The following LMOD1 variants were observed in gnomAD, a reference collection of about 807,000 sequenced individuals.
LMOD1 encodes leiomodin 1, also known as leiomodin-1.
In LMOD1, 8 loss-of-function variants were observed where a neutral mutation model predicts 36.5. That is an observed-to-expected ratio of 0.22 (90% CI 0.13 to 0.40). The LOEUF (loss-of-function observed/expected upper bound fraction) is 0.40, where lower values mean the gene tolerates loss of function less well. LMOD1 is among the 10% of genes least tolerant of loss of function. The pLI, the probability that LMOD1 is intolerant of heterozygous loss-of-function variation, is 1.00. For synonymous variants in LMOD1, 284 were observed against 288.7 expected (o/e 0.98, Z 0.17); for missense variants, 630 against 751.1 (o/e 0.84, Z 1.88).
chr1:201,906,489 G>T (rs1681414810), intron 1 of LMOD1, among the ~76,000 whole-genome samples: 1 of 152,162 alleles, frequency 6.6e-6, no homozygotes, highest in Admixed American at 6.5e-5. Context: ...GCAGCTGCCA[G>T]TCTCATCTAT....
At position 201,899,534 on chromosome 1, in the gene LMOD1, C is replaced by T; in HGVS notation, c.1479G>A (p.Lys493=). 6.2e-7 allele frequency: 1 copy of T among 1,612,956 alleles called. No homozygotes were observed. The highest frequency in any genetic ancestry group is 8.5e-7 in the Non-Finnish European group (1 of 1,179,288). Residue 493 remains lysine, a synonymous_variant, in exon 2 of 3, where the codon AAG becomes AAA. Coordinates refer to ENST00000367288, the MANE Select transcript of LMOD1 (RefSeq NM_012134.3). This position sits in a 1 kb window ranked among gnomAD's most constrained non-coding sequence, Gnocchi z 6.3. Reference sequence around the variant, plus strand: ...CGGCCTTGGGTACCTCCAGCAGATCCTTCTTCTCTCCCTTGGCTTCCTGTG... The same window carrying T: ...CGGCCTTGGGTACCTCCAGCAGATCTTTCTTCTCTCCCTTGGCTTCCTGTG... ...RQAQEAKGEK[K]DLLEVPKAGA...
intron 1 of LMOD1, among the ~76,000 whole-genome samples, chr1:201,927,592 A>C (rs902250063): frequency 2.6e-5 from 4 of 151,972 alleles, no homozygotes; most frequent in African/African-American, 9.7e-5. Flanking sequence ...AAAAAACAAA[A>C]AAAAAAAAAG....
intron 1 of LMOD1, among the ~76,000 whole-genome samples, chr1:201,908,982 G>A (rs1465601982): frequency 6.6e-6 from 1 of 152,202 alleles, no homozygotes; most frequent in Non-Finnish European, 1.5e-5. Context: ...CTCTCATTCC[G>A]CAGAAGAATG....
chr1:201,942,199 A>G (rs770415516), intron 1 of LMOD1, among the ~76,000 whole-genome samples: 5 of 152,196 alleles, frequency 3.3e-5, no homozygotes, highest in Admixed American at 6.5e-5. Context: ...CTCAACAAAC[A>G]GAGGCTGAAG....
At position 201,946,472 on chromosome 1, in the gene LMOD1, C is replaced by T; in HGVS notation, c.-132G>A. The T allele has an allele frequency of 3.3e-6, 3 of 907,786 alleles. No individual in the cohort carries two copies. In the South Asian group the frequency reaches 5.0e-5, roughly 15 times the overall value. The allele number at this position is 907,786 out of a possible 1,614,324, so 56.2% of individuals were successfully genotyped here. A position where few individuals can be genotyped will look rare whatever the true frequency, so the allele number is the denominator to read the frequency against. On this transcript the variant is annotated 5_prime_UTR_variant, in exon 1 of 3. Transcript: ENST00000367288. ...CTCCTGCTGGTCGAGGACTGCAGCT[C>T]CTTGGCCCTTCTGTGCTACAGGTGC... is the stretch of plus-strand genomic sequence containing the variant.
chr1:201,901,449 C>T (rs1321682899), intron 1 of LMOD1, among the ~76,000 whole-genome samples: 2 of 144,988 alleles, frequency 1.4e-5, no homozygotes, highest in Non-Finnish European at 3.0e-5. Context: ...TTGTGGTGAG[C>T]CAAGACTGCA....
At chr1:201,933,908 C>T (rs555966269) in intron 1 of LMOD1, among the ~76,000 whole-genome samples, 1 of 151,994 alleles carries the variant, frequency 6.6e-6, no homozygotes, top group South Asian at 2.1e-4. Context: ...TGTCTGAGAC[C>T]ACCCAGCTGA....
chr1:201,911,068 C>T (rs1031868876), intron 1 of LMOD1, among the ~76,000 whole-genome samples: 3 of 152,144 alleles, frequency 2.0e-5, no homozygotes, highest in Admixed American at 1.3e-4. Flanking sequence ...CACACTCCTG[C>T]CAGGAGCTCC....
chr1:201,927,815 G>A (rs994627640), intron 1 of LMOD1, among the ~76,000 whole-genome samples: 1 of 152,254 alleles, frequency 6.6e-6, no homozygotes, highest in Non-Finnish European at 1.5e-5. Flanking sequence ...CCATTATATA[G>A]AGTTAATTTC....
At chr1:201,924,201 A>G (rs951373366) in intron 1 of LMOD1, among the ~76,000 whole-genome samples, 13 of 150,570 alleles carry the variant, frequency 8.6e-5, no homozygotes, top group African/African-American at 1.5e-4. Flanking sequence ...GCGGGCACCT[A>G]TAGTCCCAGC....
intron 1 of LMOD1, among the ~76,000 whole-genome samples, chr1:201,933,353 G>T (rs1413268207): frequency 6.6e-6 from 1 of 151,264 alleles, no homozygotes; most frequent in Non-Finnish European, 1.5e-5. Flanking sequence ...GGTGGAGGTT[G>T]CAGTGAGCCA....
In LMOD1 at chr1:201,898,333, C is replaced by T. The variant is rs924305082; in HGVS notation, c.*39G>A. 1 of 1,607,004 alleles carries T rather than the reference C, an allele frequency of 6.2e-7. No individual in the cohort carries two copies. The highest frequency in any genetic ancestry group is 8.5e-7 in the Non-Finnish European group (1 of 1,176,406). ...GTAGCCCTGGGAGGTGAGGCCTGAGCAGTCATGGCATTGGCAGATGGTGCC... is the reference window on the plus strand; with the variant it reads ...GTAGCCCTGGGAGGTGAGGCCTGAGTAGTCATGGCATTGGCAGATGGTGCC... On this transcript the variant is annotated 3_prime_UTR_variant, in exon 3 of 3. Coordinates refer to ENST00000367288, the MANE Select transcript of LMOD1 (RefSeq NM_012134.3).
intron 1 of LMOD1, among the ~76,000 whole-genome samples, chr1:201,936,850 G>T (rs991177934): frequency 6.6e-6 from 1 of 152,150 alleles, no homozygotes; most frequent in Non-Finnish European, 1.5e-5. Context: ...TGAGGCAGGA[G>T]AATTGCTTGA....
chr1:201,925,878 A>C (rs1255220067), intron 1 of LMOD1, among the ~76,000 whole-genome samples: 2 of 151,360 alleles, frequency 1.3e-5, no homozygotes, highest in Non-Finnish European at 2.9e-5. Flanking sequence ...CTAATTTTTA[A>C]ATTCTTTTGG....
intron 1 of LMOD1, among the ~76,000 whole-genome samples, chr1:201,901,337 C>G (rs755676293): frequency 6.6e-6 from 1 of 150,666 alleles, no homozygotes. Flanking sequence ...AAACCTGTGT[C>G]TACTAAAATA....
intron 1 of LMOD1, among the ~76,000 whole-genome samples, chr1:201,944,739 G>T (rs1682173967): frequency 6.6e-6 from 1 of 151,788 alleles, no homozygotes; most frequent in Non-Finnish European, 1.5e-5. Flanking sequence ...GGGCGGGGGG[G>T]GGCGGTAGGG....
chr1:201,932,950 T>A (rs1681951290), intron 1 of LMOD1, among the ~76,000 whole-genome samples: 1 of 152,158 alleles, frequency 6.6e-6, no homozygotes, highest in Non-Finnish European at 1.5e-5. Flanking sequence ...CTTAGGTACA[T>A]ACCCAACAGA....
chr1:201,919,641 G>A (rs939750034), intron 1 of LMOD1, among the ~76,000 whole-genome samples: 4 of 152,204 alleles, frequency 2.6e-5, no homozygotes, highest in African/African-American at 9.7e-5. Flanking sequence ...CCCTGAGGCT[G>A]CTTTTCTGTG....
At position 201,898,198 on chromosome 1, in the gene LMOD1, G is replaced by A; in HGVS notation, c.*174C>T. On this transcript the variant is annotated 3_prime_UTR_variant, in exon 3 of 3. Transcript: ENST00000367288. ...GCCTCAGAGACAAGAAAAGGAAAGTGAGAAGAGATAAGGCATCCTTCCTTG... is the reference window on the plus strand; with the variant it reads ...GCCTCAGAGACAAGAAAAGGAAAGTAAGAAGAGATAAGGCATCCTTCCTTG... The A allele has an allele frequency of 3.0e-6, 2 of 669,448 alleles. No homozygotes were observed. The highest frequency in any genetic ancestry group is 5.3e-6 in the Non-Finnish European group (2 of 378,152). The allele number at this position is 669,448 out of a possible 1,614,324, so 41.5% of individuals were successfully genotyped here. A position where few individuals can be genotyped will look rare whatever the true frequency, so the allele number is the denominator to read the frequency against.
Sources: gnomAD v4.1 joint callset for allele counts (sites outside exome capture counted in the v4.1 genomes callset) on GRCh38, gnomAD v4.1.1 for gene constraint, Gnocchi (gnomAD v3.1) non-coding constraint, MANE v1.5 for transcripts, NCBI Gene and HGNC (gene_info 2026-07-23, HGNC 2026-07-21) for gene names.